GPHN: variants seen among roughly 807,000 people sequenced by gnomAD.
GPHN encodes gephyrin.
A neutral mutation model predicts 95.5 loss-of-function variants in GPHN; 17 were observed. The observed-to-expected ratio is 0.18, with a 90% CI of 0.12 to 0.27. The LOEUF (loss-of-function observed/expected upper bound fraction) is 0.27, where lower values mean the gene tolerates loss of function less well. Ranked by LOEUF, GPHN falls within the 10% of genes least tolerant of loss-of-function variation. GPHN has a pLI of 1.00. For missense variants in GPHN, 660 were observed against 978.1 expected (o/e 0.67, Z 4.34); for synonymous variants, 320 against 322.5 (o/e 0.99, Z 0.08).
At chr14:67,694,822 T>C in the GPHN span, among the ~76,000 whole-genome samples, 1 of 152,202 alleles carries the variant, frequency 6.6e-6, no homozygotes, top group Non-Finnish European at 1.5e-5. Flanking sequence ...CAAGTTCTAT[T>C]GGGACTAAGA....
intron 1 of GPHN, among the ~76,000 whole-genome samples, chr14:66,585,979 G>A (rs1595093073): frequency 1.3e-5 from 2 of 152,198 alleles, no homozygotes; most frequent in South Asian, 4.2e-4. Context: ...GTCTAATGTT[G>A]ACAGTGGGGT....
chr14:67,001,183 A>C (rs1462830769), intron 9 of GPHN, among the ~76,000 whole-genome samples: 1 of 151,452 alleles, frequency 6.6e-6, no homozygotes, highest in African/African-American at 2.4e-5. Context: ...CCTTCATGGA[A>C]GTAGGAATGA....
At chr14:67,595,270 A>C in the GPHN span, among the ~76,000 whole-genome samples, 3 of 152,260 alleles carry the variant, frequency 2.0e-5, no homozygotes, top group Non-Finnish European at 4.4e-5. Context: ...CTATACTTAA[A>C]GTGAAAAACA....
chr14:67,024,610 T>G (rs1248198882), intron 10 of GPHN, among the ~76,000 whole-genome samples: 1 of 152,232 alleles, frequency 6.6e-6, no homozygotes, highest in Non-Finnish European at 1.5e-5. Context: ...GGCAAAAAGA[T>G]ACATAGGGCA....
intron 5 of GPHN, among the ~76,000 whole-genome samples, chr14:66,884,718 T>C (rs2064103898): frequency 6.6e-6 from 1 of 151,916 alleles, no homozygotes; most frequent in Non-Finnish European, 1.5e-5. Context: ...ATTTATGATC[T>C]CTACTTAGTT....
chr14:66,622,882 T>A (rs1306827646), intron 1 of GPHN, among the ~76,000 whole-genome samples: 1 of 152,202 alleles, frequency 6.6e-6, no homozygotes, highest in Admixed American at 6.5e-5. Flanking sequence ...GATTTTCCTG[T>A]CTTCTTCTGA....
At chr14:66,653,114 C>T (rs1030645028) in intron 1 of GPHN, among the ~76,000 whole-genome samples, 6 of 152,180 alleles carry the variant, frequency 3.9e-5, no homozygotes, top group African/African-American at 9.6e-5. Context: ...TCCTGGTACT[C>T]GGCAATGTTT....
At chr14:66,640,215 G>A (rs1157990132) in intron 1 of GPHN, among the ~76,000 whole-genome samples, 2 of 152,172 alleles carry the variant, frequency 1.3e-5, no homozygotes, top group African/African-American at 4.8e-5. Flanking sequence ...GAGGTCGTGA[G>A]TTCAAGACCA....
the GPHN span, among the ~76,000 whole-genome samples, chr14:67,265,151 G>A: frequency 3.3e-5 from 5 of 152,172 alleles, no homozygotes; most frequent in Non-Finnish European, 7.3e-5. Flanking sequence ...TCTTTGGAAT[G>A]TAATTATCTG....
At chr14:67,332,791 G>T in the GPHN span, 1 of 1,610,788 alleles carries the variant, frequency 6.2e-7, no homozygotes, top group Non-Finnish European at 8.5e-7. Flanking sequence ...CTGAAGAGTT[G>T]AGAGAAATCA....
chr14:67,045,007 T>C (rs1171556740), intron 10 of GPHN, among the ~76,000 whole-genome samples: 1 of 152,158 alleles, frequency 6.6e-6, no homozygotes, highest in Admixed American at 6.5e-5. Context: ...AACTGACGAG[T>C]TGATTTCTGG....
At chr14:67,540,892 A>G in the GPHN span, among the ~76,000 whole-genome samples, 2 of 152,000 alleles carry the variant, frequency 1.3e-5, no homozygotes, top group African/African-American at 4.8e-5. Context: ...TCCTGCATCC[A>G]GTGTTTTTTC....
the GPHN span, chr14:67,599,998 G>A: frequency 2.6e-6 from 4 of 1,531,716 alleles, no homozygotes; most frequent in Non-Finnish European, 2.6e-6. Context: ...TCCTTCGAGC[G>A]CGGGGAGGGG....
chr14:67,689,152 A>C, the GPHN span, among the ~76,000 whole-genome samples: 1 of 152,144 alleles, frequency 6.6e-6, no homozygotes, highest in Non-Finnish European at 1.5e-5. Context: ...ACCCTTATCT[A>C]TCCTAAACTG....
the GPHN span, among the ~76,000 whole-genome samples, chr14:67,243,718 AAT>A: frequency 1.3e-5 from 2 of 149,284 alleles, no homozygotes; most frequent in South Asian, 4.2e-4. Context: ...GGATGATCTC[AAT>A]CTCCTGACCT....
At chr14:67,518,640 G>T in the GPHN span, among the ~76,000 whole-genome samples, 63,535 of 152,136 alleles carry the variant, frequency 0.42, 13,855 homozygotes, top group East Asian at 0.49. Flanking sequence ...ATTCTGAAAG[G>T]CAAGAACTGT....
intron 4 of GPHN, among the ~76,000 whole-genome samples, chr14:66,869,678 A>G (rs2063356772): frequency 6.6e-6 from 1 of 152,216 alleles, no homozygotes; most frequent in African/African-American, 2.4e-5. Context: ...TCTAACTGAT[A>G]TGTGCAGAAC....
chr14:66,550,171 T>A (rs78057542), intron 1 of GPHN, among the ~76,000 whole-genome samples: 1 of 152,210 alleles, frequency 6.6e-6, no homozygotes, highest in African/African-American at 2.4e-5. Context: ...ATTCCTTTGA[T>A]GGATCTGAGC....
At chr14:66,875,133 C>T (rs1352744191) in intron 4 of GPHN, among the ~76,000 whole-genome samples, 2 of 152,134 alleles carry the variant, frequency 1.3e-5, no homozygotes, top group African/African-American at 2.4e-5. Flanking sequence ...ATTTTCAACT[C>T]AGAATTTCAT....
Sources: allele counts gnomAD v4.1 joint callset (sites outside exome capture counted in the v4.1 genomes callset), GRCh38; gene constraint gnomAD v4.1.1; transcripts MANE v1.5; gene names NCBI Gene and HGNC (gene_info 2026-07-23, HGNC 2026-07-21).